C2orf80: variants seen among roughly 807,000 people sequenced by gnomAD.
C2orf80 encodes uncharacterized protein C2orf80.
A neutral mutation model predicts 30.2 loss-of-function variants in C2orf80; 28 were observed. That is an observed-to-expected ratio of 0.93 (90% CI 0.69 to 1.27). C2orf80 has a LOEUF of 1.27. Ranked by LOEUF, C2orf80 falls within the 50% of genes most tolerant of loss-of-function variation. The pLI, the probability that C2orf80 is intolerant of heterozygous loss-of-function variation, is 0.00. For missense variants in C2orf80, 220 were observed against 231.0 expected, an observed-to-expected ratio of 0.95 and a Z score of 0.31; for synonymous variants, 80 against 76.4, an observed-to-expected ratio of 1.05 and a Z score of -0.24.
intron 6 of C2orf80, among the ~76,000 whole-genome samples, chr2:208,178,743 C>CA (rs1696450675): frequency 6.6e-6 from 1 of 151,976 alleles, no homozygotes; most frequent in Admixed American, 6.6e-5. Flanking sequence ...GGGAGACCCC[C>CA]ATCCCTAAAA....
chr2:208,168,660 CA>C lies in C2orf80; in HGVS notation c.573+2284del, dbSNP rs67224423. 3.5e-3 allele frequency among the ~76,000 whole-genome samples: 339 copies of C among 97,650 alleles called. 4 individuals carry two copies. The highest frequency in any genetic ancestry group is 0.011 in the African/African-American group (254 of 22,184). 64.1% of individuals were successfully genotyped at this position (97,650 alleles called of 152,430 possible). On this transcript the variant is annotated intron_variant, in intron 8 of 8. Coordinates refer to ENST00000341287, the MANE Select transcript of C2orf80 (RefSeq NM_001099334.3). Reference sequence around the variant, plus strand: ...TGGGCGACAGAGCAAGACTCCGTCTCAAAAAAAAAAAAAAAAAAGAGTTGGA... The same window carrying C: ...TGGGCGACAGAGCAAGACTCCGTCTCAAAAAAAAAAAAAAAAAGAGTTGGA...
chr2:208,177,047 C>G (rs986795085), intron 6 of C2orf80, among the ~76,000 whole-genome samples: 15 of 71,834 alleles, frequency 2.1e-4, no homozygotes, highest in African/African-American at 7.1e-4. Flanking sequence ...CACATATATA[C>G]TATATACATA....
intron 8 of C2orf80, among the ~76,000 whole-genome samples, chr2:208,166,152 T>C (rs941620788): frequency 1.3e-5 from 2 of 152,190 alleles, no homozygotes; most frequent in African/African-American, 2.4e-5. Flanking sequence ...ATTCTGAAGT[T>C]GATAACTATT....
intron 3 of C2orf80, 66 bp downstream of exon 3, chr2:208,184,885 C>G: frequency 4.6e-6 from 6 of 1,314,430 alleles, no homozygotes; most frequent in Non-Finnish European, 6.5e-6. Context: ...TAAATAAGAT[C>G]CTTTTTCTGT....
At chr2:208,167,791 G>T (rs1695949630) in intron 8 of C2orf80, among the ~76,000 whole-genome samples, 1 of 151,488 alleles carries the variant, frequency 6.6e-6, no homozygotes, top group Non-Finnish European at 1.5e-5. Flanking sequence ...GTTCAGGCTG[G>T]TCTTGAATGC....
chr2:208,165,789 T>C lies in C2orf80; in HGVS notation c.*18A>G. 3.1e-6 allele frequency: 5 copies of C among 1,612,350 alleles called. No individual in the cohort carries two copies. The highest frequency in any genetic ancestry group is 1.1e-5 in the South Asian group (1 of 90,650). ...CCAGAGAATCTATTATGAAGTTCCA[T>C]GGTACAATTCCAATTTTCTAAGTGA... is the stretch of plus-strand genomic sequence containing the variant. On this transcript the variant is annotated 3_prime_UTR_variant, in exon 9 of 9. Transcript: ENST00000341287.
At chr2:208,176,177 G>A (rs563110120) in intron 6 of C2orf80, among the ~76,000 whole-genome samples, 1 of 152,160 alleles carries the variant, frequency 6.6e-6, no homozygotes, top group Admixed American at 6.5e-5. Flanking sequence ...GCAAAGTCTA[G>A]AGACATTTTT....
intron 6 of C2orf80, among the ~76,000 whole-genome samples, chr2:208,176,628 T>C (rs1696305376): frequency 6.6e-6 from 1 of 152,128 alleles, no homozygotes; most frequent in Non-Finnish European, 1.5e-5. Flanking sequence ...GAGGTTACCA[T>C]GGGCCAAACA....
In C2orf80 at chr2:208,187,031, C is replaced by A; in HGVS notation, c.-45G>T. ...GAGCAGGTATCTGCAGCTAACACTA[C>A]ACTTAGACCCAGCTTCTCTGAGTCT... On this transcript the variant is annotated 5_prime_UTR_variant, in exon 2 of 9. Transcript: ENST00000341287. The A allele has an allele frequency of 6.3e-7, 1 of 1,588,268 alleles. No individual in the cohort carries two copies. Among genetic ancestry groups the A allele is most frequent in the African/African-American group, 1.3e-5 (1 of 74,484 alleles).
At chr2:208,185,418 T>C (rs1406374928) in intron 2 of C2orf80, among the ~76,000 whole-genome samples, 2 of 152,186 alleles carry the variant, frequency 1.3e-5, no homozygotes, top group Non-Finnish European at 2.9e-5. Context: ...GTTGATACAT[T>C]CCAGATATAT....
chr2:208,176,182 AT>A (rs200246081), intron 6 of C2orf80, among the ~76,000 whole-genome samples: 38 of 148,068 alleles, frequency 2.6e-4, no homozygotes, highest in South Asian at 1.3e-3. Context: ...GTCTAGAGAC[AT>A]TTTTTTTTTT....
At chr2:208,169,212 A>G (rs1696010613) in intron 8 of C2orf80, among the ~76,000 whole-genome samples, 1 of 124,978 alleles carries the variant, frequency 8.0e-6, no homozygotes. Flanking sequence ...GGGTGTCTAT[A>G]AACCCCTGTT....
chr2:208,184,419 A>G (rs1696654400), intron 3 of C2orf80, among the ~76,000 whole-genome samples: 1 of 151,948 alleles, frequency 6.6e-6, no homozygotes, highest in Non-Finnish European at 1.5e-5. Flanking sequence ...CTTTTTTATT[A>G]GTGTAAGGAT....
chr2:208,184,885 C>A (rs1696667425), intron 3 of C2orf80, 66 bp downstream of exon 3: 2 of 1,314,430 alleles, frequency 1.5e-6, no homozygotes, highest in Admixed American at 1.7e-5. Context: ...TAAATAAGAT[C>A]CTTTTTCTGT....
intron 3 of C2orf80, 33 bp from the exon 4 acceptor site, chr2:208,183,080 A>T: frequency 6.3e-7 from 1 of 1,584,652 alleles, no homozygotes. Flanking sequence ...GCAAAGAAAC[A>T]GGCTTAGACA....
At position 208,176,972 on chromosome 2, in the gene C2orf80, T is replaced by TATCTGTATACATATGTATACAG. The variant is rs1696357963; in HGVS notation, c.366+3772_366+3773insCTGTATACATATGTATACAGAT. 4.3e-3 allele frequency among the ~76,000 whole-genome samples: 210 copies of TATCTGTATACATATGTATACAG among 48,500 alleles called. 33 individuals carry two copies. Among genetic ancestry groups the TATCTGTATACATATGTATACAG allele is most frequent in the Non-Finnish European group, 5.2e-3 (130 of 24,932 alleles). The allele number at this position is 48,500 out of a possible 152,430, so 31.8% of individuals were successfully genotyped here. A position where few individuals can be genotyped will look rare whatever the true frequency, so the allele number is the denominator to read the frequency against. ...ACATATCTGTATACATATGTATACA[T>TATCTGTATACATATGTATACAG]ATATACAGAAATGTATATGTATACA... On this transcript the variant is annotated intron_variant, in intron 6 of 8. Coordinates refer to ENST00000341287, the MANE Select transcript of C2orf80 (RefSeq NM_001099334.3).
intron 8 of C2orf80, among the ~76,000 whole-genome samples, chr2:208,166,532 T>C (rs1366889815): frequency 2.0e-5 from 3 of 152,222 alleles, no homozygotes; most frequent in African/African-American, 7.2e-5. Flanking sequence ...ATTTCTGATG[T>C]ATTGCTTTGG....
rs1307265579 is a variant in C2orf80 at position 208,176,900 on chromosome 2, C to T, written c.366+3845G>A. Among the ~76,000 whole-genome samples the T allele has an allele frequency of 6.4e-4, 10 of 15,686 alleles. 1 individual carries two copies. Among genetic ancestry groups the T allele is most frequent in the Non-Finnish European group, 1.1e-3 (10 of 9,428 alleles). 10.3% of individuals were successfully genotyped at this position (15,686 alleles called of 152,430 possible). ...ATGTATACATAGGTGTATATATATA[C>T]ATATCTGTGTATACATATCTGTATA... On this transcript the variant is annotated intron_variant, in intron 6 of 8. Coordinates refer to ENST00000341287, the MANE Select transcript of C2orf80 (RefSeq NM_001099334.3).
intron 2 of C2orf80, 78 bp from the exon 3 acceptor site, chr2:208,185,110 ATCCCTCCC>A (rs1259547173): frequency 5.3e-6 from 5 of 935,570 alleles, no homozygotes; most frequent in East Asian, 2.5e-5. Context: ...TTTTTTTCCC[ATCCCTCCC>A]TCCCCCACCA....
Sources: gnomAD v4.1 joint callset for allele counts (sites outside exome capture counted in the v4.1 genomes callset) on GRCh38, gnomAD v4.1.1 for gene constraint, MANE v1.5 for transcripts, NCBI Gene and HGNC (gene_info 2026-07-23, HGNC 2026-07-21) for gene names.